ARHGAP32: variants seen among roughly 807,000 people sequenced by gnomAD.
ARHGAP32 encodes rho GTPase-activating protein 32.
In ARHGAP32, 51 loss-of-function variants were observed where a neutral mutation model predicts 186.5. That is an observed-to-expected ratio of 0.27 (90% CI 0.22 to 0.35). ARHGAP32 has a LOEUF of 0.35. ARHGAP32 is among the 10% of genes least tolerant of loss of function. ARHGAP32 has a pLI of 1.00. For synonymous variants in ARHGAP32, 950 were observed against 964.3 expected (o/e 0.99, Z 0.27); for missense variants, 2,186 against 2,623.5 (o/e 0.83, Z 3.64).
In ARHGAP32 at chr11:129,136,665, T is replaced by C. The variant is rs566457686; in HGVS notation, c.226-11771A>G. Among the ~76,000 whole-genome samples the C allele has an allele frequency of 3.8e-4, 58 of 152,218 alleles. No individual in the cohort carries two copies. In the Middle Eastern group the frequency reaches 0.01, roughly 27 times the overall value. On this transcript the variant is annotated intron_variant, in intron 2 of 22. Transcript: ENST00000682385. The stretch of plus-strand genomic sequence containing the variant: ...AAACATACATCATAAGTGAATTAAA[T>C]TTGTTTCAAGAATGCAAAGATGGCT...
chr11:129,194,973 TTTTG>T (rs551968948), upstream of ARHGAP32, among the ~76,000 whole-genome samples: 497 of 150,828 alleles, frequency 3.3e-3, 2 homozygotes, highest in African/African-American at 0.012. Flanking sequence ...TTTTGTTTTG[TTTTG>T]TTTGTTTGTT....
chr11:129,274,742 G>T (rs980133898), intron 1 of ARHGAP32, among the ~76,000 whole-genome samples: 1 of 151,608 alleles, frequency 6.6e-6, no homozygotes, highest in Non-Finnish European at 1.5e-5. Context: ...TAGTAAACTA[G>T]ATCTATTTAG....
chr11:129,159,589 CAA>C (rs1038276046), intron 2 of ARHGAP32, among the ~76,000 whole-genome samples: 1 of 143,862 alleles, frequency 7.0e-6, no homozygotes. Flanking sequence ...GCCTACCTAC[CAA>C]AAAAAAAAGC....
chr11:129,050,949 T>C lies in ARHGAP32; in HGVS notation c.964-9940A>G, dbSNP rs1008280229. Among the ~76,000 whole-genome samples, 6 of 152,348 alleles carry C rather than the reference T, an allele frequency of 3.9e-5. No individual in the cohort carries two copies. In the East Asian group the frequency reaches 7.7e-4, roughly 20 times the overall value. On this transcript the variant is annotated intron_variant, in intron 10 of 22. Transcript: ENST00000682385. Reference sequence around the variant, plus strand: ...GAATGATGGTTTCCAGCGTCATCCATGTCCCTGCAAAGGACATGAACCCAT... The same window carrying C: ...GAATGATGGTTTCCAGCGTCATCCACGTCCCTGCAAAGGACATGAACCCAT...
At chr11:129,014,813 A>C (rs777131036) in intron 11 of ARHGAP32, among the ~76,000 whole-genome samples, 26 of 152,204 alleles carry the variant, frequency 1.7e-4, no homozygotes, top group Non-Finnish European at 2.8e-4. Context: ...TTAAGTGAGG[A>C]GAATACAAAT....
At chr11:128,991,003 T>G (rs1268742903) in intron 12 of ARHGAP32, among the ~76,000 whole-genome samples, 2 of 152,172 alleles carry the variant, frequency 1.3e-5, no homozygotes, top group African/African-American at 4.8e-5. Flanking sequence ...CACAGTATTT[T>G]ATTTCCATAT....
intron 11 of ARHGAP32, among the ~76,000 whole-genome samples, chr11:129,004,046 T>C (rs1408901757): frequency 6.6e-6 from 1 of 151,934 alleles, no homozygotes; most frequent in East Asian, 1.9e-4. Context: ...ATCCCATAGG[T>C]TTTGGTATGT....
chr11:129,038,587 A>G (rs932760029), intron 11 of ARHGAP32, among the ~76,000 whole-genome samples: 1 of 152,010 alleles, frequency 6.6e-6, no homozygotes, highest in African/African-American at 2.4e-5. Context: ...ATATATGAGC[A>G]ACATTTACAA....
rs983383043 is a variant in ARHGAP32, at chr11:129,216,480, G to A, written c.-4-52053C>T. Among the ~76,000 whole-genome samples, 7 of 151,562 alleles carry A rather than the reference G, an allele frequency of 4.6e-5. No individual in the cohort carries two copies. In the East Asian group the frequency reaches 7.7e-4, roughly 17 times the overall value. On this transcript the variant is annotated intron_variant, in intron 1 of 6. Transcript: ENST00000525234. Reference sequence around the variant, plus strand: ...GTGTATTACTTGAGGTTAGGAGTTCGAGATCAGCCTGGTGAAATCCTGACC... The same window carrying A: ...GTGTATTACTTGAGGTTAGGAGTTCAAGATCAGCCTGGTGAAATCCTGACC...
chr11:129,238,336 C>A (rs1295152356), intron 1 of ARHGAP32, among the ~76,000 whole-genome samples: 4 of 152,008 alleles, frequency 2.6e-5, no homozygotes, highest in Admixed American at 1.3e-4. Flanking sequence ...CTTTCTGTGC[C>A]CTTTCTTCTC....
At chr11:129,097,377 A>G (rs1027582481) in intron 5 of ARHGAP32, among the ~76,000 whole-genome samples, 5 of 152,170 alleles carry the variant, frequency 3.3e-5, no homozygotes, top group African/African-American at 1.2e-4. Flanking sequence ...TACTAGACAA[A>G]CAACTATCTT....
chr11:129,179,598 G>A (rs1035884365), intron 1 of ARHGAP32, among the ~76,000 whole-genome samples: 2 of 151,648 alleles, frequency 1.3e-5, no homozygotes, highest in African/African-American at 4.8e-5. Flanking sequence ...TATACACCAT[G>A]GAATACTATG....
At chr11:129,110,370 G>A (rs1942174194) in intron 5 of ARHGAP32, among the ~76,000 whole-genome samples, 1 of 152,126 alleles carries the variant, frequency 6.6e-6, no homozygotes, top group Admixed American at 6.5e-5. Flanking sequence ...AAGACAGGTA[G>A]TGTGATGTCT....
chr11:129,191,981 GAA>G, intron 1 of ARHGAP32, 100 bp downstream of exon 1: 1 of 860,276 alleles, frequency 1.2e-6, no homozygotes, highest in East Asian at 2.4e-5. Flanking sequence ...CCAGAAAACA[GAA>G]AGTCTTATTG....
chr11:129,087,175 C>T (rs1238114795), intron 6 of ARHGAP32, among the ~76,000 whole-genome samples: 1 of 152,186 alleles, frequency 6.6e-6, no homozygotes, highest in Non-Finnish European at 1.5e-5. Flanking sequence ...CTTTCAAAGG[C>T]AGTTTGGCAG....
chr11:129,002,826 T>TTTTTG (rs1937597648), intron 11 of ARHGAP32, among the ~76,000 whole-genome samples: 1 of 138,910 alleles, frequency 7.2e-6, no homozygotes, highest in East Asian at 2.1e-4. Context: ...TTTTTTTTTT[T>TTTTTG]GAGACGGAGT....
At chr11:129,034,277 T>C (rs574937735) in intron 11 of ARHGAP32, among the ~76,000 whole-genome samples, 2 of 152,242 alleles carry the variant, frequency 1.3e-5, no homozygotes, top group African/African-American at 4.8e-5. Flanking sequence ...TTCTGTTTCA[T>C]CACCTTATCA....
chr11:129,271,500 C>T (rs1945472005), intron 1 of ARHGAP32, among the ~76,000 whole-genome samples: 1 of 151,610 alleles, frequency 6.6e-6, no homozygotes, highest in Admixed American at 6.6e-5. Context: ...TAATTCATAG[C>T]CCTCCTTTGT....
At chr11:129,124,092 G>A (rs947687572) in intron 3 of ARHGAP32, among the ~76,000 whole-genome samples, 163 bp from the exon 4 acceptor site, 5 of 152,084 alleles carry the variant, frequency 3.3e-5, no homozygotes, top group Admixed American at 3.3e-4. Context: ...GAGACCAGAA[G>A]AGTTTTGGAT....
Sources: gnomAD v4.1 joint callset for allele counts (sites outside exome capture counted in the v4.1 genomes callset) on GRCh38, gnomAD v4.1.1 for gene constraint, MANE v1.5 for transcripts, NCBI Gene and HGNC (gene_info 2026-07-23, HGNC 2026-07-21) for gene names.